Variants in RCAN2 observed in about 807,000 individuals in gnomAD.
RCAN2 encodes the protein regulator of calcineurin 2.
In RCAN2, 9 loss-of-function variants were observed where a neutral mutation model predicts 23.6. That is an observed-to-expected ratio of 0.38 (90% CI 0.23 to 0.67). RCAN2 has a LOEUF of 0.67. RCAN2 is among the 30% of genes least tolerant of loss of function. RCAN2 has a pLI of 0.51. For missense variants in RCAN2, 273 were observed against 302.3 expected (o/e 0.90, Z 0.72); for synonymous variants, 109 against 115.7 (o/e 0.94, Z 0.37).
chr6:46,432,373 C>T (rs1767237145), intron 2 of RCAN2, among the ~76,000 whole-genome samples: 1 of 152,050 alleles, frequency 6.6e-6, no homozygotes, highest in African/African-American at 2.4e-5. Context: ...GCCACCATGC[C>T]TGGCTAACTT....
Position 46,456,909 on chromosome 6 carries a change from C to T in RCAN2, c.68G>A (p.Gly23Glu), listed in dbSNP as rs1282599130. 4 of 1,550,616 alleles carry T rather than the reference C, an allele frequency of 2.6e-6. No homozygotes were observed. The African/African-American group carries it at 5.5e-5, about 21-fold the overall frequency. ...PGQQGHVPED[G>E]GLFLLCCIDR... Reference sequence around the variant, plus strand: ...TATGCAGCACAGTAAGAAAAGTCCTCCATCTTCAGGGACGTGTCCCTGCTG... The same window carrying T: ...TATGCAGCACAGTAAGAAAAGTCCTTCATCTTCAGGGACGTGTCCCTGCTG... Residue 23 changes from glycine (G) to glutamate (E), a missense_variant, in exon 2 of 5, where the codon GGA (glycine) becomes GAA (glutamate). Gly to Glu is a moderately conservative substitution (Grantham distance 98, BLOSUM62 -2). Coordinates refer to ENST00000371374, the MANE Select transcript of RCAN2 (RefSeq NM_001251974.2).
intron 2 of RCAN2, among the ~76,000 whole-genome samples, chr6:46,454,276 GT>G (rs1353088663): frequency 6.6e-6 from 1 of 152,122 alleles, no homozygotes; most frequent in Non-Finnish European, 1.5e-5. Context: ...TATCATAATA[GT>G]TTTTTAAAAA....
chr6:46,383,871 T>C (rs1468130361), intron 2 of RCAN2, among the ~76,000 whole-genome samples: 1 of 152,228 alleles, frequency 6.6e-6, no homozygotes, highest in Non-Finnish European at 1.5e-5. Flanking sequence ...CTGTATATGC[T>C]TCTTTTTTTT....
chr6:46,297,584 C>G (rs1762764170), intron 2 of RCAN2, among the ~76,000 whole-genome samples: 1 of 152,062 alleles, frequency 6.6e-6, no homozygotes, highest in African/African-American at 2.4e-5. Context: ...AGTAGAGGCA[C>G]AGAACACATA....
chr6:46,322,492 G>T (rs1218866455), intron 2 of RCAN2, among the ~76,000 whole-genome samples: 2 of 152,224 alleles, frequency 1.3e-5, no homozygotes, highest in African/African-American at 4.8e-5. Flanking sequence ...ACAATCAGCT[G>T]AGAGCCACAC....
intron 4 of RCAN2, among the ~76,000 whole-genome samples, chr6:46,239,823 T>C (rs1766239698): frequency 6.6e-6 from 1 of 152,036 alleles, no homozygotes; most frequent in African/African-American, 2.4e-5. Context: ...TAATACTAGA[T>C]TGGGAATGGG....
At chr6:46,436,788 T>C (rs1336267123) in intron 2 of RCAN2, among the ~76,000 whole-genome samples, 1 of 152,208 alleles carries the variant, frequency 6.6e-6, no homozygotes, top group East Asian at 1.9e-4. Context: ...TGATAGATGC[T>C]AAGGCCCTCT....
intron 1 of RCAN2, among the ~76,000 whole-genome samples, chr6:46,460,561 G>A (rs1024787802): frequency 2.0e-5 from 3 of 148,730 alleles, no homozygotes; most frequent in Admixed American, 6.7e-5. Context: ...GATGAATGTG[G>A]TGTTCTTTCT....
intron 2 of RCAN2, among the ~76,000 whole-genome samples, chr6:46,289,163 C>G (rs1421848253): frequency 6.6e-6 from 1 of 152,228 alleles, no homozygotes. Flanking sequence ...AAAACTGGGT[C>G]TGATGCCAAC....
chr6:46,337,792 C>A (rs1036695700), intron 2 of RCAN2, among the ~76,000 whole-genome samples: 2 of 152,200 alleles, frequency 1.3e-5, no homozygotes, highest in African/African-American at 4.8e-5. Context: ...AGCTGATTCC[C>A]AGGACAGCTG....
chr6:46,223,360 A>G, intron 4 of RCAN2, 59 bp from the exon 5 acceptor site: 6 of 1,508,416 alleles, frequency 4.0e-6, no homozygotes, highest in Non-Finnish European at 5.5e-6. Context: ...GAGATCCTGG[A>G]GCAGGGTCTG....
chr6:46,485,514 G>GA (rs796809668), intron 1 of RCAN2, among the ~76,000 whole-genome samples: 1 of 151,720 alleles, frequency 6.6e-6, no homozygotes, highest in Non-Finnish European at 1.5e-5. Flanking sequence ...ATATGTCCAA[G>GA]AAAAAAAACA....
At chr6:46,354,205 CTGTGTGTGTGTGTGTGTGTGTGTGTGTG>C (rs56237510) in intron 2 of RCAN2, among the ~76,000 whole-genome samples, 2 of 132,982 alleles carry the variant, frequency 1.5e-5, no homozygotes, top group Non-Finnish European at 3.2e-5. Flanking sequence ...TGTTATTTTA[CTGTGTGTGTGTGTGTGTGTGTGTGTGTG>C]TGTGTGTGTG....
Position 46,403,919 on chromosome 6 carries a change from G to C in RCAN2, c.225+52833C>G, listed in dbSNP as rs576687306. 6.0e-4 allele frequency among the ~76,000 whole-genome samples: 92 copies of C among 152,196 alleles called. 1 individual carries two copies. The highest frequency in any genetic ancestry group is 2.0e-3 in the African/African-American group (85 of 41,522). Reference sequence around the variant, plus strand: ...GTGTCATAAGAGGTGGGGTGGAAAGGTGTGTAAGAGGTGATTTGGAGGCCA... The same window carrying C: ...GTGTCATAAGAGGTGGGGTGGAAAGCTGTGTAAGAGGTGATTTGGAGGCCA... On this transcript the variant is annotated intron_variant, in intron 2 of 4. Transcript: ENST00000371374.
intron 2 of RCAN2, among the ~76,000 whole-genome samples, chr6:46,376,693 CA>C (rs1262088298): frequency 2.3e-5 from 3 of 130,464 alleles, no homozygotes; most frequent in Admixed American, 7.6e-5. Flanking sequence ...GACTCCACCT[CA>C]AAAAAAACCA....
At chr6:46,264,390 A>G (rs1040313701) in intron 2 of RCAN2, among the ~76,000 whole-genome samples, 18 of 152,208 alleles carry the variant, frequency 1.2e-4, no homozygotes, top group Non-Finnish European at 2.5e-4. Context: ...CATTCTTTTA[A>G]GATGCAGATA....
At chr6:46,390,340 T>C (rs1034947550) in intron 2 of RCAN2, among the ~76,000 whole-genome samples, 1 of 152,234 alleles carries the variant, frequency 6.6e-6, no homozygotes, top group African/African-American at 2.4e-5. Context: ...CATGGATGAA[T>C]GGAATGCCAA....
Position 46,223,158 on chromosome 6 carries a change from GTGGC to G in RCAN2, c.711_714del (p.Ser240CysfsTer11). 1 of 1,613,482 alleles carries G rather than the reference GTGGC, an allele frequency of 6.2e-7. No homozygotes were observed. The highest frequency in any genetic ancestry group is 8.5e-7 in the Non-Finnish European group (1 of 1,179,956). ...CAGGCAGCTCAGTTGGACACGGAGG[GTGGC>G]AGGCCAGGACGCCGAGTTTGGATGA... On this transcript the variant is annotated frameshift_variant, in exon 5 of 5. Coordinates refer to ENST00000371374, the MANE Select transcript of RCAN2 (RefSeq NM_001251974.2). LOFTEE classifies it high-confidence loss of function.
chr6:46,322,583 T>G lies in RCAN2; in HGVS notation c.226-73687A>C, dbSNP rs576710696. Among the ~76,000 whole-genome samples, 277 of 152,332 alleles carry G rather than the reference T, an allele frequency of 1.8e-3. 2 individuals carry two copies. Among genetic ancestry groups the G allele is most frequent in the African/African-American group, 6.4e-3 (268 of 41,580 alleles). The stretch of plus-strand genomic sequence containing the variant: ...CCCATTTCAAATAAACTCCCATACT[T>G]ATGAAGGAGGCCTGCTGGTTGCATC... On this transcript the variant is annotated intron_variant, in intron 2 of 4. Transcript: ENST00000371374.
Sources: gnomAD v4.1 joint callset for allele counts (sites outside exome capture counted in the v4.1 genomes callset) on GRCh38, gnomAD v4.1.1 for gene constraint, MANE v1.5 for transcripts, NCBI Gene and HGNC (gene_info 2026-07-23, HGNC 2026-07-21) for gene names.